The following DDX39B variants were observed in gnomAD, a reference collection of about 807,000 sequenced individuals.
The protein encoded by DDX39B is spliceosome RNA helicase DDX39B.
In DDX39B, 6 loss-of-function variants were observed where a neutral mutation model predicts 46.4. The observed-to-expected ratio is 0.13, with a 90% CI of 0.07 to 0.26. The LOEUF is 0.26. Among genes scored for constraint, DDX39B ranks in the 10% least tolerant of loss-of-function variants. The pLI, the probability that DDX39B is intolerant of heterozygous loss-of-function variation, is 1.00. For synonymous variants in DDX39B, 174 were observed against 199.4 expected (o/e 0.87, Z 1.07); for missense variants, 185 against 553.4 (o/e 0.33, Z 6.68).
At chr6:31,533,706 A>C (rs1195061843) in intron 6 of DDX39B, 1 of 152,660 alleles carries the variant, frequency 6.6e-6, no homozygotes, top group Non-Finnish European at 1.5e-5. Context: ...GCACAATCAT[A>C]GCACACTATA....
At position 31,532,830 on chromosome 6, in the gene DDX39B, C is replaced by T; in HGVS notation, c.817G>A (p.Glu273Lys). Reference protein sequence around the residue: ...QQYYVKLKDNEKNRKLFDLLD... With the variant: ...QQYYVKLKDNKKNRKLFDLLD... ...AGGTCAAAGAGCTTCCGGTTCTTCT[C>T]GTTGTCCTTCAGTTTCACGTAGTAC... The change falls in exon 7 of 11, where the codon GAG (glutamate) becomes AAG (lysine). Residue 273 changes from glutamate (E) to lysine (K), a missense_variant. Glu to Lys is a moderately conservative substitution (Grantham distance 56). Transcript: ENST00000396172. The T allele has an allele frequency of 6.2e-7, 1 of 1,605,434 alleles. No homozygotes were observed. The highest frequency in any genetic ancestry group is 1.1e-5 in the South Asian group (1 of 90,922).
At chr6:31,541,850 C>T in intron 1 of DDX39B, 100 bp downstream of exon 1, 1 of 640,586 alleles carries the variant, frequency 1.6e-6, no homozygotes, top group Non-Finnish European at 2.9e-6. Context: ...GCCCCAGCGA[C>T]CAGACCATCG....
Position 31,530,354 on chromosome 6 carries a change from G to A in DDX39B, c.*80C>T. 6.4e-7 allele frequency: 1 copy of A among 1,556,002 alleles called. No homozygotes were observed. Among genetic ancestry groups the A allele is most frequent in the Non-Finnish European group, 8.8e-7 (1 of 1,134,752 alleles). ...TGGGGTGGGGGCTGTCAGGGGTGGG[G>A]GCAGTAGTGTCTCCTTCACCCCCAC... On this transcript the variant is annotated 3_prime_UTR_variant, in exon 11 of 11. Coordinates refer to ENST00000396172, the MANE Select transcript of DDX39B (RefSeq NM_004640.7). The surrounding 1 kb of genome is among the most constrained non-coding windows in gnomAD (Gnocchi z 4.5).
chr6:31,541,146 C>G, intron 1 of DDX39B: 1 of 533,696 alleles, frequency 1.9e-6, no homozygotes, highest in South Asian at 1.4e-5. Flanking sequence ...CTGCGCAAAG[C>G]GCTCACCTTT....
intron 4 of DDX39B, 34 bp from the exon 5 acceptor site, chr6:31,536,717 A>T (rs375972885): frequency 1.9e-6 from 3 of 1,605,828 alleles, no homozygotes; most frequent in Non-Finnish European, 2.5e-6. Flanking sequence ...CTCAAAACAG[A>T]GGAAGGAAAG....
In DDX39B at chr6:31,541,937, G is replaced by A. The variant is rs2150349355; in HGVS notation, c.-133+13C>T. 1 of 653,788 alleles carries A rather than the reference G, an allele frequency of 1.5e-6. No individual in the cohort carries two copies. Among genetic ancestry groups the A allele is most frequent in the Non-Finnish European group, 2.8e-6 (1 of 354,286 alleles). 40.5% of individuals were successfully genotyped at this position (653,788 alleles called of 1,614,324 possible). ...GCAGATGGAAACGGATTGTAGCGAAGGCCAAAGCTTACCTAAACAGGGAGA... is the reference window on the plus strand; with the variant it reads ...GCAGATGGAAACGGATTGTAGCGAAAGCCAAAGCTTACCTAAACAGGGAGA... On this transcript the variant is annotated intron_variant, in intron 1 of 10. Coordinates refer to ENST00000396172, the MANE Select transcript of DDX39B (RefSeq NM_004640.7).
rs747817995 is a variant in DDX39B, at chr6:31,531,009, C to T, written c.1122+44G>A. ...GGAATGAAGATGTACAAACAGAAAA[C>T]AAGGGAATGGGAGAGTGGGATTTTT... On this transcript the variant is annotated intron_variant, in intron 9 of 10. Transcript: ENST00000396172. This position sits in a 1 kb window ranked among gnomAD's most constrained non-coding sequence, Gnocchi z 5.8. 1.9e-6 allele frequency: 3 copies of T among 1,613,404 alleles called. No homozygotes were observed. Among genetic ancestry groups the T allele is most frequent in the Middle Eastern group, 1.7e-4 (1 of 6,056 alleles).
At chr6:31,540,845 T>C (rs1347725972) in intron 1 of DDX39B, 181 bp from the exon 2 acceptor site, 1 of 467,490 alleles carries the variant, frequency 2.1e-6, no homozygotes, top group African/African-American at 1.9e-5. Flanking sequence ...CCAGGGAAAG[T>C]GGTTAGGACA....
chr6:31,538,670 C>T, intron 4 of DDX39B, 93 bp downstream of exon 4: 1 of 1,190,044 alleles, frequency 8.4e-7, no homozygotes. Flanking sequence ...CAAACTAAAG[C>T]TTCTCCAAAA....
chr6:31,532,077 C>G (rs975689672), intron 7 of DDX39B, among the ~76,000 whole-genome samples: 14 of 151,954 alleles, frequency 9.2e-5, no homozygotes, highest in African/African-American at 3.4e-4. Flanking sequence ...AGCAATGCTC[C>G]TGCCTCAGCC....
chr6:31,533,036 A>G lies in DDX39B; in HGVS notation c.736-125T>C, dbSNP rs182285915. On this transcript the variant is annotated intron_variant, in intron 6 of 10. Transcript: ENST00000396172. The stretch of plus-strand genomic sequence containing the variant: ...GGATGGGGAGGAAAGAGAAGATTGA[A>G]AACCCCACCCCACTCCCAAAAATAC... 1.9e-5 allele frequency: 12 copies of G among 624,092 alleles called. No individual in the cohort carries two copies. The African/African-American group carries it at 2.2e-4, about 11-fold the overall frequency. 38.7% of individuals were successfully genotyped at this position (624,092 alleles called of 1,614,324 possible). A position where few individuals can be genotyped will look rare whatever the true frequency, so the allele number is the denominator to read the frequency against.
At position 31,538,503 on chromosome 6, in the gene DDX39B, C is replaced by T. The variant is rs114311181; in HGVS notation, c.432+260G>A. On this transcript the variant is annotated intron_variant, in intron 4 of 10. Transcript: ENST00000396172. ...ACCACTGGAGCTGTTTTAAAGTTTC[C>T]GGCTTTCTCTGCCACATACCCCAAA... Among the ~76,000 whole-genome samples the T allele has an allele frequency of 4.2e-3, 645 of 152,220 alleles. 18 individuals are homozygous for T. The South Asian group carries it at 0.071, about 17-fold the overall frequency.
intron 2 of DDX39B, among the ~76,000 whole-genome samples, chr6:31,539,708 G>A (rs1379076539): frequency 2.0e-5 from 3 of 152,170 alleles, no homozygotes; most frequent in African/African-American, 7.2e-5. Flanking sequence ...TGACCCAGAA[G>A]CCAGTCATCT....
At chr6:31,540,189 G>A (rs778284909) in intron 2 of DDX39B, 133 bp downstream of exon 2, 15 of 979,704 alleles carry the variant, frequency 1.5e-5, no homozygotes, top group Middle Eastern at 2.3e-4. Flanking sequence ...GATTACAGGC[G>A]TGAGCCACTG....
intron 6 of DDX39B, chr6:31,533,233 GA>G (rs1767389993): frequency 3.6e-6 from 1 of 278,948 alleles, no homozygotes; most frequent in Admixed American, 5.0e-5. Context: ...GGTGGGAGAG[GA>G]AAGAAAATGG....
intron 6 of DDX39B, chr6:31,533,992 T>C (rs1767487623): frequency 6.6e-6 from 1 of 152,146 alleles, no homozygotes; most frequent in Admixed American, 6.5e-5. Context: ...AGAAGCCCAA[T>C]CCCAGAAGGC....
chr6:31,536,490 T>C lies in DDX39B; in HGVS notation c.616+10A>G, dbSNP rs1390681374. 4.3e-6 allele frequency: 7 copies of C among 1,613,222 alleles called. No individual in the cohort carries two copies. Among genetic ancestry groups the C allele is most frequent in the Non-Finnish European group, 5.9e-6 (7 of 1,180,020 alleles). On this transcript the variant is annotated intron_variant, in intron 5 of 10. Transcript: ENST00000396172. The stretch of plus-strand genomic sequence containing the variant: ...CCCAGCATTAGCCAAGCCCCAGCAC[T>C]GCCACTCACCGAGCTGTTCAAGCAT...
chr6:31,541,173 T>C (rs751346337), intron 1 of DDX39B: 2 of 533,630 alleles, frequency 3.7e-6, no homozygotes, highest in Non-Finnish European at 7.7e-6. Flanking sequence ...GAAAACATCA[T>C]ATGGCCGCCG....
At chr6:31,538,889 A>T (rs535064717) in intron 3 of DDX39B, 34 bp from the exon 4 acceptor site, 1 of 1,598,082 alleles carries the variant, frequency 6.3e-7, no homozygotes, top group East Asian at 2.2e-5. Context: ...CATATGGTAA[A>T]TGTAGCTCTT....
Sources: gnomAD v4.1 joint callset for allele counts (sites outside exome capture counted in the v4.1 genomes callset) on GRCh38, gnomAD v4.1.1 for gene constraint, Gnocchi (gnomAD v3.1) non-coding constraint, MANE v1.5 for transcripts, NCBI Gene and HGNC (gene_info 2026-07-23, HGNC 2026-07-21) for gene names.